OR51M1: variants seen among roughly 807,000 people sequenced by gnomAD.
OR51M1 encodes olfactory receptor family 51 subfamily M member 1.
For synonymous variants in OR51M1, 199 were observed against 155.1 expected, an observed-to-expected ratio of 1.28 and a Z score of -2.10; for missense variants, 509 against 404.4, an observed-to-expected ratio of 1.26 and a Z score of -2.22.
intron 2 of OR51M1, among the ~76,000 whole-genome samples, chr11:5,388,995 A>C (rs1229107787): frequency 2.6e-5 from 4 of 152,200 alleles, no homozygotes; most frequent in Non-Finnish European, 5.9e-5. Context: ...TCTGGAAATC[A>C]AAAGAGAGAA....
intron 2 of OR51M1, among the ~76,000 whole-genome samples, chr11:5,387,563 C>T (rs986696542): frequency 6.6e-6 from 1 of 152,100 alleles, no homozygotes; most frequent in African/African-American, 2.4e-5. Context: ...GCTTGCGTGA[C>T]CTGCAAGATC....
At chr11:5,388,582 T>A (rs1331522881) in intron 2 of OR51M1, among the ~76,000 whole-genome samples, 1 of 148,632 alleles carries the variant, frequency 6.7e-6, no homozygotes, top group Non-Finnish European at 1.5e-5. Context: ...TTGTTTAGTG[T>A]CATTAACACC....
intron 1 of OR51M1, among the ~76,000 whole-genome samples, 168 bp from the exon 2 acceptor site, chr11:5,385,185 C>G (rs1849667761): frequency 6.6e-6 from 1 of 152,178 alleles, no homozygotes; most frequent in Non-Finnish European, 1.5e-5. Context: ...TAACTGACTG[C>G]TCTGAGTGGA....
intron 1 of OR51M1, 102 bp downstream of exon 1, chr11:5,384,019 T>A (rs1004362627): frequency 2.0e-5 from 3 of 152,136 alleles, no homozygotes; most frequent in Non-Finnish European, 4.4e-5. Context: ...AATGCATAGG[T>A]ATCACAAAAG....
chr11:5,386,640 G>T (rs1022448272), intron 2 of OR51M1, among the ~76,000 whole-genome samples: 1 of 152,036 alleles, frequency 6.6e-6, no homozygotes, highest in Admixed American at 6.6e-5. Context: ...GCATAATCTC[G>T]GTGGCTGCAG....
chr11:5,385,823 A>C (rs1001516982), intron 2 of OR51M1, among the ~76,000 whole-genome samples: 4 of 148,918 alleles, frequency 2.7e-5, no homozygotes, highest in Non-Finnish European at 5.9e-5. Context: ...AAAGTATATA[A>C]AGAATATATA....
chr11:5,391,812 G>A lies in OR51M1; in HGVS notation c.*1433G>A, dbSNP rs1248204890. ...AGACCAAGGTGGGAGGATTGCTGAA[G>A]GCCAGGAGTTTGAGACCAACTTCAG... On this transcript the variant is annotated 3_prime_UTR_variant, in exon 3 of 3. Transcript: ENST00000642046. 1 of 152,300 alleles carries A rather than the reference G, an allele frequency of 6.6e-6. No homozygotes were observed. The highest frequency in any genetic ancestry group is 1.5e-5 in the Non-Finnish European group (1 of 68,140). The allele number at this position is 152,300 out of a possible 1,614,324, so 9.4% of individuals were successfully genotyped here.
intron 2 of OR51M1, among the ~76,000 whole-genome samples, chr11:5,385,758 T>C (rs1431068765): frequency 2.7e-5 from 4 of 149,266 alleles, no homozygotes; most frequent in South Asian, 2.1e-4. Flanking sequence ...TGTTTACATA[T>C]ATAAATATAC....
chr11:5,388,185 A>T (rs1849731042), intron 2 of OR51M1, among the ~76,000 whole-genome samples: 1 of 152,144 alleles, frequency 6.6e-6, no homozygotes, highest in Non-Finnish European at 1.5e-5. Context: ...AATAATATTT[A>T]AAGGATTCCA....
intron 1 of OR51M1, among the ~76,000 whole-genome samples, chr11:5,384,530 G>A (rs762392962): frequency 1.3e-5 from 2 of 152,164 alleles, no homozygotes; most frequent in Admixed American, 6.5e-5. Context: ...AGGCAGGGCT[G>A]CCTCACTCCC....
Position 5,392,526 on chromosome 11 carries a change from A to G in OR51M1, c.*2147A>G, listed in dbSNP as rs1447175191. On this transcript the variant is annotated 3_prime_UTR_variant, in exon 3 of 3. Coordinates refer to ENST00000642046, the MANE Select transcript of OR51M1 (RefSeq NM_001004756.3). ...AAATTAGGAAATACGTACAGGTAATAACATATTTGAAAACTTCTACCTTAC... is the reference window on the plus strand; with the variant it reads ...AAATTAGGAAATACGTACAGGTAATGACATATTTGAAAACTTCTACCTTAC... 6.6e-6 allele frequency: 1 copy of G among 152,266 alleles called. No homozygotes were observed. The highest frequency in any genetic ancestry group is 2.4e-5 in the African/African-American group (1 of 41,468). The allele number at this position is 152,266 out of a possible 1,614,324, so 9.4% of individuals were successfully genotyped here.
Position 5,387,217 on chromosome 11 carries a change from CATT to C in OR51M1, c.-16+1761_-16+1763del, listed in dbSNP as rs1017581004. On this transcript the variant is annotated intron_variant, in intron 2 of 2. Transcript: ENST00000642046. The stretch of plus-strand genomic sequence containing the variant: ...TCAGAAGAGAACCAGCAGATCTTGG[CATT>C]AAGAATTTCTAGAGAGAGCTCTAAA... 5.3e-5 allele frequency among the ~76,000 whole-genome samples: 8 copies of C among 152,024 alleles called. 1 individual carries two copies. Among genetic ancestry groups the C allele is most frequent in the Admixed American group, 5.2e-4 (8 of 15,248 alleles).
rs139951426 is a variant in OR51M1 at position 5,384,713 on chromosome 11, T to C, written c.-121-640T>C. ...TTCACTTATTCAACAAATTATTAAA[T>C]GCATTTTATATGCTGGTCCAGTTAA... On this transcript the variant is annotated intron_variant, in intron 1 of 2. Transcript: ENST00000642046. Among the ~76,000 whole-genome samples the C allele has an allele frequency of 2.1e-3, 317 of 152,350 alleles. 1 individual carries two copies. Among genetic ancestry groups the C allele is most frequent in the African/African-American group, 7.2e-3 (301 of 41,580 alleles).
chr11:5,386,856 T>C (rs1849702735), intron 2 of OR51M1, among the ~76,000 whole-genome samples: 1 of 151,960 alleles, frequency 6.6e-6, no homozygotes, highest in African/African-American at 2.4e-5. Flanking sequence ...AAAAATGTTG[T>C]CTTGAATGGC....
chr11:5,387,478 G>A (rs1263905267), intron 2 of OR51M1, among the ~76,000 whole-genome samples: 2 of 151,886 alleles, frequency 1.3e-5, no homozygotes, highest in Non-Finnish European at 2.9e-5. Flanking sequence ...CCTTGCCAAA[G>A]TGATGTAAGC....
intron 2 of OR51M1, among the ~76,000 whole-genome samples, chr11:5,388,386 AAACTT>A (rs1254571505): frequency 1.3e-5 from 2 of 151,712 alleles, no homozygotes; most frequent in Non-Finnish European, 2.9e-5. Context: ...TATTCAAACT[AAACTT>A]GGGGAATTTA....
chr11:5,391,480 A>G lies in OR51M1; in HGVS notation c.*1101A>G, dbSNP rs755444672. The G allele has an allele frequency of 3.9e-5, 6 of 152,226 alleles. No individual in the cohort carries two copies. Among genetic ancestry groups the G allele is most frequent in the Non-Finnish European group, 7.3e-5 (5 of 68,058 alleles). The allele number at this position is 152,226 out of a possible 1,614,324, so 9.4% of individuals were successfully genotyped here. The stretch of plus-strand genomic sequence containing the variant: ...GCATGTCTTGCTCGCCAGTAAATGT[A>G]TATAAATACAATGCCTAGCACATGC... On this transcript the variant is annotated 3_prime_UTR_variant, in exon 3 of 3. Transcript: ENST00000642046.
chr11:5,390,127 A>G lies in OR51M1; in HGVS notation c.729A>G (p.Gln243=), dbSNP rs898215880. 1 of 1,613,790 alleles carries G rather than the reference A, an allele frequency of 6.2e-7. No homozygotes were observed. The highest frequency in any genetic ancestry group is 1.7e-5 in the Admixed American group (1 of 60,018). Reference sequence around the variant, plus strand: ...ACACAGTAGCAGGCCTGGCCTCCCAAGAGGAGCAGCGCCGTGCCTTTCAGA... The same window carrying G: ...ACACAGTAGCAGGCCTGGCCTCCCAGGAGGAGCAGCGCCGTGCCTTTCAGA... The part of the protein sequence containing the change: ...ILHTVAGLAS[Q]EEQRRAFQTC... Residue 243 remains glutamine (Q), a synonymous_variant, in exon 3 of 3, where the codon CAA becomes CAG. Transcript: ENST00000642046.
At chr11:5,387,528 C>T (rs1034106853) in intron 2 of OR51M1, among the ~76,000 whole-genome samples, 10 of 151,858 alleles carry the variant, frequency 6.6e-5, no homozygotes, top group African/African-American at 2.2e-4. Context: ...ACTCGAAGCT[C>T]ACAAGTATAA....
Sources: allele counts gnomAD v4.1 joint callset (sites outside exome capture counted in the v4.1 genomes callset), GRCh38; gene constraint gnomAD v4.1.1; transcripts MANE v1.5; gene names NCBI Gene and HGNC (gene_info 2026-07-23, HGNC 2026-07-21).